Variants in IFT88 observed in about 807,000 individuals in gnomAD.
The protein encoded by IFT88 is intraflagellar transport protein 88 homolog.
IFT88 carries 74 observed loss-of-function variants against 119.5 expected under a neutral mutation model. The ratio of observed to expected loss-of-function variants is 0.62; its 90% confidence interval spans 0.51 to 0.75. The LOEUF (loss-of-function observed/expected upper bound fraction) is 0.75, where lower values mean the gene tolerates loss of function less well. IFT88 is among the 30% of genes least tolerant of loss of function. The pLI is 0.00. For synonymous variants in IFT88, 279 were observed against 316.7 expected, an observed-to-expected ratio of 0.88 and a Z score of 1.26; for missense variants, 961 against 977.7, an observed-to-expected ratio of 0.98 and a Z score of 0.23.
chr13:20,569,330 T>C (rs992102161), intron 1 of IFT88, among the ~76,000 whole-genome samples: 5 of 149,450 alleles, frequency 3.3e-5, no homozygotes, highest in East Asian at 4.1e-4. Context: ...TCCCAGCACT[T>C]TGGGAGGCCG....
intron 3 of IFT88, among the ~76,000 whole-genome samples, chr13:20,589,151 TAAAA>T (rs1007197207): frequency 6.6e-6 from 1 of 151,442 alleles, no homozygotes; most frequent in Admixed American, 6.6e-5. Flanking sequence ...TATTCACACT[TAAAA>T]AAAAATATTT....
Position 20,614,817 on chromosome 13 carries a change from C to CTTTTTTTTTTT in IFT88, c.1113-970_1113-960dup, listed in dbSNP as rs762297940. Among the ~76,000 whole-genome samples the CTTTTTTTTTTT allele has an allele frequency of 3.4e-3, 432 of 125,752 alleles. 18 individuals are homozygous for CTTTTTTTTTTT. Among genetic ancestry groups the CTTTTTTTTTTT allele is most frequent in the African/African-American group, 9.6e-3 (342 of 35,734 alleles). 82.5% of individuals were successfully genotyped at this position (125,752 alleles called of 152,430 possible). On this transcript the variant is annotated intron_variant, in intron 13 of 25. Coordinates refer to ENST00000351808, the MANE Select transcript of IFT88 (RefSeq NM_006531.5). ...ATGATTTGGAAAGATTATTTCTTTT[C>CTTTTTTTTTTT]TTTTTTTTTTTTTTTTGAGACGGAG...
chr13:20,621,222 A>C (rs2046423954), intron 14 of IFT88, among the ~76,000 whole-genome samples: 1 of 152,072 alleles, frequency 6.6e-6, no homozygotes. Context: ...ACACACCACC[A>C]CACCTAGCAA....
intron 13 of IFT88, among the ~76,000 whole-genome samples, chr13:20,613,839 A>G (rs918559093): frequency 2.6e-5 from 4 of 152,110 alleles, no homozygotes; most frequent in Admixed American, 6.5e-5. Flanking sequence ...GCACCAACCA[A>G]TACAATACAG....
intron 23 of IFT88, among the ~76,000 whole-genome samples, chr13:20,663,914 A>G (rs747320944): frequency 6.6e-6 from 1 of 152,238 alleles, no homozygotes; most frequent in Non-Finnish European, 1.5e-5. Flanking sequence ...TTTTAATTGG[A>G]AAGTCCTGTG....
intron 10 of IFT88, 30 bp from the exon 11 acceptor site, chr13:20,599,421 T>G: frequency 1.3e-6 from 1 of 761,756 alleles, no homozygotes; most frequent in South Asian, 1.7e-5. Context: ...AATGAGAGTA[T>G]TATACATTCA....
At position 20,601,709 on chromosome 13, in the gene IFT88, A is replaced by G. The variant is rs754882392; in HGVS notation, c.817A>G (p.Lys273Glu). The G allele has an allele frequency of 6.3e-7, 1 of 1,589,598 alleles. No homozygotes were observed. The change falls in exon 12 of 26, where the codon AAA becomes GAA. Residue 273 changes from lysine to glutamate, a missense_variant. Transcript: ENST00000351808. ...ATCCATGTCTTTTTCTTTTAGGATT[A>G]AAATAATGCAGAATATTGGAGTTAC... ...VPSVNKQMRI[K>E]IMQNIGVTFI... is the part of the protein sequence containing the mutation.
At chr13:20,686,693 A>G (rs1352605299) in intron 24 of IFT88, among the ~76,000 whole-genome samples, 2 of 152,126 alleles carry the variant, frequency 1.3e-5, no homozygotes, top group Non-Finnish European at 1.5e-5. Flanking sequence ...AATGAAGGAC[A>G]TTGCTTTTCA....
intron 1 of IFT88, chr13:20,568,124 TTGAAGTA>T: frequency 1.5e-6 from 1 of 650,960 alleles, no homozygotes; most frequent in Non-Finnish European, 2.8e-6. Context: ...TTGGAAAAGC[TTGAAGTA>T]GACTGTCCAT....
At chr13:20,625,669 GA>G in intron 14 of IFT88, 80 bp from the exon 15 acceptor site, 1 of 937,770 alleles carries the variant, frequency 1.1e-6, no homozygotes, top group South Asian at 1.5e-5. Flanking sequence ...AAAAATCTTT[GA>G]AAAGCCACAT....
chr13:20,587,044 C>G (rs995412735), intron 3 of IFT88, among the ~76,000 whole-genome samples: 4 of 151,928 alleles, frequency 2.6e-5, no homozygotes, highest in African/African-American at 7.3e-5. Flanking sequence ...TTCTAGTTAT[C>G]TCTGTGTTAC....
intron 13 of IFT88, among the ~76,000 whole-genome samples, chr13:20,610,381 C>T (rs1004883374): frequency 6.6e-6 from 1 of 152,008 alleles, no homozygotes; most frequent in Non-Finnish European, 1.5e-5. Context: ...GAAGAATTTG[C>T]CGTGTGCCTT....
intron 24 of IFT88, among the ~76,000 whole-genome samples, chr13:20,672,985 A>G (rs1440192633): frequency 1.3e-5 from 2 of 152,196 alleles, no homozygotes; most frequent in Admixed American, 1.3e-4. Context: ...AGACCAGCAC[A>G]GTGCTGCTTG....
At chr13:20,665,223 A>G (rs917719681) in intron 23 of IFT88, among the ~76,000 whole-genome samples, 7 of 152,248 alleles carry the variant, frequency 4.6e-5, no homozygotes, top group African/African-American at 1.7e-4. Context: ...TTTCCCCCAA[A>G]GTAATCAGGA....
At chr13:20,652,593 G>A (rs2051953735) in intron 20 of IFT88, among the ~76,000 whole-genome samples, 1 of 151,590 alleles carries the variant, frequency 6.6e-6, no homozygotes, top group African/African-American at 2.4e-5. Context: ...TTCAATCTGG[G>A]TGACAGACTG....
At chr13:20,659,588 A>G (rs1364258512) in intron 22 of IFT88, among the ~76,000 whole-genome samples, 4 of 152,130 alleles carry the variant, frequency 2.6e-5, no homozygotes, top group Admixed American at 2.0e-4. Context: ...TGCAATTTTT[A>G]TAGTAATGTG....
In IFT88 at chr13:20,586,318, A is replaced by G. The variant is rs181721789; in HGVS notation, c.153+3299A>G. Among the ~76,000 whole-genome samples the G allele has an allele frequency of 2.8e-4, 42 of 152,340 alleles. No individual in the cohort carries two copies. In the East Asian group the frequency reaches 5.8e-3, roughly 21 times the overall value. On this transcript the variant is annotated intron_variant, in intron 3 of 25. Transcript: ENST00000351808. ...GGTTCACTTAAGAGGACAAAATTCTAGGTTGCTCCTAAGGAGCTTACAGTC... is the reference window on the plus strand; with the variant it reads ...GGTTCACTTAAGAGGACAAAATTCTGGGTTGCTCCTAAGGAGCTTACAGTC...
At chr13:20,675,217 A>G in intron 24 of IFT88, among the ~76,000 whole-genome samples, 1 of 152,076 alleles carries the variant, frequency 6.6e-6, no homozygotes, top group African/African-American at 2.4e-5. Context: ...TCAGCCAATT[A>G]CAGAAGGAAT....
intron 2 of IFT88, among the ~76,000 whole-genome samples, chr13:20,578,755 G>T (rs1484182370): frequency 6.6e-6 from 1 of 152,064 alleles, no homozygotes; most frequent in Non-Finnish European, 1.5e-5. Context: ...TACCATGTTG[G>T]TTCGGCTGGT....
Sources: gnomAD v4.1 joint callset for allele counts (sites outside exome capture counted in the v4.1 genomes callset) on GRCh38, gnomAD v4.1.1 for gene constraint, MANE v1.5 for transcripts, NCBI Gene and HGNC (gene_info 2026-07-23, HGNC 2026-07-21) for gene names.